SNCAIP: variants seen among roughly 807,000 people sequenced by gnomAD.
The protein encoded by SNCAIP is synphilin-1.
A neutral mutation model predicts 86.7 loss-of-function variants in SNCAIP; 43 were observed. The ratio of observed to expected loss-of-function variants is 0.50; its 90% CI spans 0.39 to 0.64. The LOEUF is 0.64. Among genes scored for constraint, SNCAIP ranks in the 30% least tolerant of loss-of-function variants. SNCAIP has a pLI of 0.00. For missense variants in SNCAIP, 981 were observed against 1,103.1 expected (o/e 0.89, Z 1.57); for synonymous variants, 417 against 427.2 (o/e 0.98, Z 0.29).
chr5:122,433,348 T>G (rs1778783674), intron 6 of SNCAIP, among the ~76,000 whole-genome samples: 1 of 152,116 alleles, frequency 6.6e-6, no homozygotes, highest in Non-Finnish European at 1.5e-5. Flanking sequence ...GTTACATGAC[T>G]TGCACATGGT....
chr5:122,451,588 GA>G lies in SNCAIP; in HGVS notation c.2744del (p.Lys915ArgfsTer32). On this transcript the variant is annotated frameshift_variant, in exon 10 of 11. Transcript: ENST00000261368. LOFTEE classifies it high-confidence loss of function. ...AACCCTGCCAGCTCCGCTAGCAAAG[GA>G]AAGAATAAGGCAGTAAGTGCTATTT... The part of the protein sequence containing the change: ...KGNPASSASK[G>X]KNKAA 1 of 1,606,172 alleles carries G rather than the reference GA, an allele frequency of 6.2e-7. No individual in the cohort carries two copies. Among genetic ancestry groups the G allele is most frequent in the Non-Finnish European group, 8.5e-7 (1 of 1,173,020 alleles).
intron 7 of SNCAIP, among the ~76,000 whole-genome samples, chr5:122,442,821 C>T (rs1306362188): frequency 6.6e-6 from 1 of 152,028 alleles, no homozygotes; most frequent in Non-Finnish European, 1.5e-5. Flanking sequence ...TCCACTTACA[C>T]ACAAATGATA....
rs954042702 is a variant in SNCAIP, at chr5:122,367,838, A to G, written c.-46-23251A>G. 2.6e-5 allele frequency among the ~76,000 whole-genome samples: 4 copies of G among 152,268 alleles called. No homozygotes were observed. In the East Asian group the frequency reaches 5.8e-4, roughly 22 times the overall value. On this transcript the variant is annotated intron_variant, in intron 1 of 10. Transcript: ENST00000261368. Reference sequence around the variant, plus strand: ...GGGCTCAGAGTTTCATTTGAATCCCATGATTGTCTCGTACCTGTGTGTGCA... The same window carrying G: ...GGGCTCAGAGTTTCATTTGAATCCCGTGATTGTCTCGTACCTGTGTGTGCA...
chr5:122,355,227 A>G (rs1760754135), intron 1 of SNCAIP, among the ~76,000 whole-genome samples: 1 of 152,210 alleles, frequency 6.6e-6, no homozygotes, highest in Admixed American at 6.5e-5. Context: ...ATATAAATTA[A>G]TGGTTAAGAT....
At chr5:122,384,545 A>G (rs1400766934) in intron 1 of SNCAIP, among the ~76,000 whole-genome samples, 1 of 152,212 alleles carries the variant, frequency 6.6e-6, no homozygotes, top group Non-Finnish European at 1.5e-5. Context: ...CCTTATCTCC[A>G]CAAAAGAAAT....
chr5:122,412,401 A>G (rs1341457618), intron 3 of SNCAIP, among the ~76,000 whole-genome samples: 1 of 151,960 alleles, frequency 6.6e-6, no homozygotes, highest in Admixed American at 6.6e-5. Flanking sequence ...TGCTATTCTC[A>G]TCTTTCTTGA....
At chr5:122,334,981 A>C in intron 1 of SNCAIP, among the ~76,000 whole-genome samples, 1 of 152,164 alleles carries the variant, frequency 6.6e-6, no homozygotes, top group East Asian at 1.9e-4. Flanking sequence ...AAATCTGTAG[A>C]TTTAGCCGGG....
intron 1 of SNCAIP, among the ~76,000 whole-genome samples, chr5:122,362,893 C>T (rs1762460904): frequency 6.6e-6 from 1 of 152,038 alleles, no homozygotes. Context: ...TCCATAGGGG[C>T]TTAAGTCCCA....
chr5:122,362,343 G>A (rs939783406), intron 1 of SNCAIP, among the ~76,000 whole-genome samples: 35 of 152,122 alleles, frequency 2.3e-4, no homozygotes, highest in African/African-American at 8.4e-4. Flanking sequence ...TGTTGCCTTT[G>A]AGGTACAAAG....
At chr5:122,439,699 G>C (rs891385195) in intron 6 of SNCAIP, among the ~76,000 whole-genome samples, 8 of 152,110 alleles carry the variant, frequency 5.3e-5, no homozygotes, top group African/African-American at 1.9e-4. Context: ...GAAGTTCAAG[G>C]TTATTTCAAA....
rs146514542 is a variant in SNCAIP at position 122,402,503 on chromosome 5, T to C, written c.58-1290T>C. Reference sequence around the variant, plus strand: ...TAAGGGTAATTTCCCTAATTAGTCATTTGAGATTTCACTTTTCACTTGGAA... The same window carrying C: ...TAAGGGTAATTTCCCTAATTAGTCACTTGAGATTTCACTTTTCACTTGGAA... On this transcript the variant is annotated intron_variant, in intron 2 of 10. Coordinates refer to ENST00000261368, the MANE Select transcript of SNCAIP (RefSeq NM_005460.4). 4.9e-3 allele frequency among the ~76,000 whole-genome samples: 739 copies of C among 152,310 alleles called. 25 individuals carry two copies. Among genetic ancestry groups the C allele is most frequent in the Admixed American group, 0.043 (659 of 15,306 alleles).
At chr5:122,326,001 A>T (rs902858213) in intron 1 of SNCAIP, among the ~76,000 whole-genome samples, 1 of 152,202 alleles carries the variant, frequency 6.6e-6, no homozygotes, top group Non-Finnish European at 1.5e-5. Flanking sequence ...AAATTAAAAC[A>T]TAACCTAATT....
chr5:122,453,892 TG>T (rs1478603707), intron 10 of SNCAIP, among the ~76,000 whole-genome samples: 1 of 151,912 alleles, frequency 6.6e-6, no homozygotes, highest in African/African-American at 2.4e-5. Context: ...CCCGAGTAGC[TG>T]GGATCACAGG....
chr5:122,391,048 TA>T, intron 1 of SNCAIP, 40 bp from the exon 2 acceptor site: 1 of 1,096,922 alleles, frequency 9.1e-7, no homozygotes, highest in Non-Finnish European at 1.4e-6. Context: ...GTAAAACGGC[TA>T]AATTTTTTTG....
At chr5:122,371,016 G>A (rs1764165166) in intron 1 of SNCAIP, among the ~76,000 whole-genome samples, 1 of 152,068 alleles carries the variant, frequency 6.6e-6, no homozygotes, top group Non-Finnish European at 1.5e-5. Flanking sequence ...GCTCTACAGA[G>A]TTACTTCAGG....
At chr5:122,443,093 G>A (rs1440683500) in intron 7 of SNCAIP, among the ~76,000 whole-genome samples, 2 of 152,176 alleles carry the variant, frequency 1.3e-5, no homozygotes, top group African/African-American at 4.8e-5. Flanking sequence ...TGGTCTCTGT[G>A]ACACTCCTGT....
In SNCAIP at chr5:122,459,605, G is replaced by T. The variant is rs562628681; in HGVS notation, c.2755-3886G>T. ...ATGCCTCAAGTTAATATTTTACTTGGTACAGACTTAGCTCTAATCATAAGG... is the reference window on the plus strand; with the variant it reads ...ATGCCTCAAGTTAATATTTTACTTGTTACAGACTTAGCTCTAATCATAAGG... On this transcript the variant is annotated intron_variant, in intron 10 of 10. Transcript: ENST00000261368. 3.3e-5 allele frequency among the ~76,000 whole-genome samples: 5 copies of T among 152,230 alleles called. No individual in the cohort carries two copies. The South Asian group carries it at 1.0e-3, about 32-fold the overall frequency.
At chr5:122,396,170 T>C (rs1472596658) in intron 2 of SNCAIP, among the ~76,000 whole-genome samples, 1 of 152,198 alleles carries the variant, frequency 6.6e-6, no homozygotes. Context: ...CTCAGCATCA[T>C]CAGAAACCTC....
chr5:122,363,859 G>A (rs964851776), intron 1 of SNCAIP, among the ~76,000 whole-genome samples: 5 of 151,158 alleles, frequency 3.3e-5, no homozygotes, highest in African/African-American at 1.2e-4. Context: ...GTCTTGCTTT[G>A]TCACCCAGGC....
Sources: allele counts gnomAD v4.1 joint callset (sites outside exome capture counted in the v4.1 genomes callset), GRCh38; gene constraint gnomAD v4.1.1; transcripts MANE v1.5; gene names NCBI Gene and HGNC (gene_info 2026-07-23, HGNC 2026-07-21).